L3MBTL4: variants seen among roughly 807,000 people sequenced by gnomAD.
L3MBTL4 encodes the protein lethal(3)malignant brain tumor-like protein 4.
Under a neutral mutation model 84.5 loss-of-function variants are expected in L3MBTL4, and 70 were observed. That is an observed-to-expected ratio of 0.83 (90% confidence interval 0.68 to 1.01). The LOEUF (loss-of-function observed/expected upper bound fraction) is 1.01. L3MBTL4 is among the 50% of genes least tolerant of loss of function. L3MBTL4 has a pLI of 0.00. For synonymous variants in L3MBTL4, 274 were observed against 259.8 expected (o/e 1.05, Z -0.52); for missense variants, 715 against 754.8 (o/e 0.95, Z 0.62).
chr18:6,225,283 A>T (rs1258735597), intron 10 of L3MBTL4, among the ~76,000 whole-genome samples: 2 of 152,266 alleles, frequency 1.3e-5, no homozygotes, highest in Non-Finnish European at 2.9e-5. Flanking sequence ...GTAAAAAGAA[A>T]TCAGCTTACA....
At chr18:6,188,179 T>C (rs2044875129) in intron 12 of L3MBTL4, among the ~76,000 whole-genome samples, 2 of 151,548 alleles carry the variant, frequency 1.3e-5, no homozygotes, top group Non-Finnish European at 2.9e-5. Flanking sequence ...TTCACAAAGA[T>C]CACACACCAA....
chr18:6,262,263 G>A (rs978415380), intron 5 of L3MBTL4, among the ~76,000 whole-genome samples: 12 of 152,264 alleles, frequency 7.9e-5, no homozygotes, highest in African/African-American at 2.9e-4. Flanking sequence ...GTGACTGTGA[G>A]CTACACTGAA....
intron 1 of L3MBTL4, among the ~76,000 whole-genome samples, chr18:6,363,380 C>A (rs540865332): frequency 6.6e-6 from 1 of 152,268 alleles, no homozygotes; most frequent in Admixed American, 6.5e-5. Flanking sequence ...GTCTTTTCAA[C>A]CACTTCCCAC....
chr18:6,160,589 G>C (rs567281499), intron 13 of L3MBTL4, among the ~76,000 whole-genome samples: 1 of 152,066 alleles, frequency 6.6e-6, no homozygotes, highest in South Asian at 2.1e-4. Flanking sequence ...AAAATTAGCC[G>C]GGCTTGGTGG....
intron 16 of L3MBTL4, among the ~76,000 whole-genome samples, chr18:5,996,808 C>T (rs933721946): frequency 6.6e-6 from 1 of 152,130 alleles, no homozygotes; most frequent in Non-Finnish European, 1.5e-5. Flanking sequence ...TTATAAGGGG[C>T]AGGACTTAAG....
At chr18:6,173,173 T>C (rs1014146501) in intron 12 of L3MBTL4, among the ~76,000 whole-genome samples, 2 of 152,184 alleles carry the variant, frequency 1.3e-5, no homozygotes, top group Non-Finnish European at 2.9e-5. Context: ...CAAAAGTACA[T>C]TTCTACTGAA....
intron 1 of L3MBTL4, among the ~76,000 whole-genome samples, chr18:6,348,479 T>C (rs545180427): frequency 5.4e-4 from 82 of 152,000 alleles, no homozygotes; most frequent in African/African-American, 1.9e-3. Context: ...GGAAATACAA[T>C]AGGGAATGTG....
intron 4 of L3MBTL4, among the ~76,000 whole-genome samples, chr18:6,283,081 A>G (rs1205791370): frequency 6.6e-6 from 1 of 152,190 alleles, no homozygotes; most frequent in Non-Finnish European, 1.5e-5. Context: ...TAAATCCAGC[A>G]TGTAAGAGCC....
chr18:6,150,976 C>T (rs1363294772), intron 13 of L3MBTL4, among the ~76,000 whole-genome samples: 1 of 152,170 alleles, frequency 6.6e-6, no homozygotes. Flanking sequence ...CACGGAGTGC[C>T]ATCCCAGTAC....
chr18:6,129,402 G>GTGTGTGTA (rs1159846715), intron 14 of L3MBTL4, among the ~76,000 whole-genome samples: 1 of 151,758 alleles, frequency 6.6e-6, no homozygotes, highest in Non-Finnish European at 1.5e-5. Flanking sequence ...GTGTGTGTGT[G>GTGTGTGTA]TGTGTGTTCC....
intron 16 of L3MBTL4, among the ~76,000 whole-genome samples, chr18:5,974,489 T>C (rs962034011): frequency 6.6e-6 from 1 of 152,184 alleles, no homozygotes; most frequent in East Asian, 1.9e-4. Context: ...GGTAAGTCTA[T>C]CTGCCTTTAA....
At chr18:6,163,435 G>A (rs56688719) in intron 13 of L3MBTL4, among the ~76,000 whole-genome samples, 5,532 of 151,984 alleles carry the variant, frequency 0.036, 351 homozygotes, top group African/African-American at 0.12. Context: ...TGCAGATAAA[G>A]ATAATTAAAA....
At chr18:6,232,651 G>A (rs2047045366) in intron 10 of L3MBTL4, among the ~76,000 whole-genome samples, 1 of 151,962 alleles carries the variant, frequency 6.6e-6, no homozygotes. Flanking sequence ...CATAGTCCTT[G>A]CTCACACAAG....
chr18:6,025,730 A>C (rs562015028), intron 16 of L3MBTL4, among the ~76,000 whole-genome samples: 1 of 152,310 alleles, frequency 6.6e-6, no homozygotes, highest in African/African-American at 2.4e-5. Context: ...TAGGCATTAG[A>C]GTCCCATATG....
intron 16 of L3MBTL4, chr18:6,031,414 T>C: frequency 1.0e-6 from 1 of 985,462 alleles, no homozygotes; most frequent in African/African-American, 1.7e-5. Context: ...GCCGTCTAAC[T>C]TCTGAACATT....
chr18:6,229,080 C>T (rs1427317947), intron 10 of L3MBTL4, among the ~76,000 whole-genome samples: 1 of 152,102 alleles, frequency 6.6e-6, no homozygotes, highest in Non-Finnish European at 1.5e-5. Context: ...ATAATAGATG[C>T]ACTAAATATT....
At chr18:6,035,591 T>C (rs1463455279) in intron 16 of L3MBTL4, among the ~76,000 whole-genome samples, 52 of 152,222 alleles carry the variant, frequency 3.4e-4, no homozygotes, top group African/African-American at 1.2e-3. Context: ...GTGATGCCTC[T>C]GGCTTTGTTC....
At chr18:6,358,749 G>A (rs1360322024) in intron 1 of L3MBTL4, among the ~76,000 whole-genome samples, 2 of 152,144 alleles carry the variant, frequency 1.3e-5, no homozygotes, top group Admixed American at 6.5e-5. Flanking sequence ...AAACACACAG[G>A]AGACTGCCCC....
intron 16 of L3MBTL4, among the ~76,000 whole-genome samples, chr18:6,080,427 G>C (rs1324891603): frequency 6.6e-6 from 1 of 152,180 alleles, no homozygotes; most frequent in East Asian, 1.9e-4. Context: ...CTTCTTCCTA[G>C]ACTCCAACAG....
Sources: allele counts gnomAD v4.1 joint callset (sites outside exome capture counted in the v4.1 genomes callset), GRCh38; gene constraint gnomAD v4.1.1; transcripts MANE v1.5; gene names NCBI Gene and HGNC (gene_info 2026-07-23, HGNC 2026-07-21).